CFAP299: variants seen among roughly 807,000 people sequenced by gnomAD.
CFAP299 encodes the protein cilia- and flagella-associated protein 299.
Under a neutral mutation model 27.0 loss-of-function variants are expected in CFAP299, and 21 were observed. The ratio of observed to expected loss-of-function variants is 0.78; its 90% CI spans 0.55 to 1.12. The LOEUF (loss-of-function observed/expected upper bound fraction) is 1.12. Among genes scored for constraint, CFAP299 ranks in the 50% most tolerant of loss-of-function variants. CFAP299 has a pLI of 0.00. For missense variants in CFAP299, 310 were observed against 276.6 expected (o/e 1.12, Z -0.86); for synonymous variants, 104 against 98.1 (o/e 1.06, Z -0.36).
chr4:80,551,244 G>T (rs1734498409), intron 2 of CFAP299, among the ~76,000 whole-genome samples: 1 of 152,082 alleles, frequency 6.6e-6, no homozygotes, highest in Middle Eastern at 3.2e-3. Flanking sequence ...CCATATTAGG[G>T]TTCTTACAAC....
intron 4 of CFAP299, among the ~76,000 whole-genome samples, chr4:80,900,770 T>A (rs1217914633): frequency 6.6e-6 from 1 of 151,802 alleles, no homozygotes; most frequent in Non-Finnish European, 1.5e-5. Context: ...ATAATAATAA[T>A]AAACAGGGCT....
intron 3 of CFAP299, among the ~76,000 whole-genome samples, chr4:80,660,605 A>G (rs757243858): frequency 1.7e-4 from 26 of 152,308 alleles, no homozygotes; most frequent in Middle Eastern, 3.4e-3. Context: ...ATAAATTATT[A>G]GTTATAAGGG....
At chr4:80,735,783 A>G (rs1177456254) in intron 3 of CFAP299, among the ~76,000 whole-genome samples, 2 of 152,154 alleles carry the variant, frequency 1.3e-5, no homozygotes, top group Non-Finnish European at 2.9e-5. Context: ...CCTGGGATAA[A>G]TCTCACTTGG....
chr4:80,848,417 C>T (rs1731302595), intron 3 of CFAP299, among the ~76,000 whole-genome samples: 1 of 152,142 alleles, frequency 6.6e-6, no homozygotes, highest in African/African-American at 2.4e-5. Context: ...TGCTTCTAGG[C>T]TACCAACCTG....
intron 3 of CFAP299, among the ~76,000 whole-genome samples, chr4:80,811,521 G>A (rs895973815): frequency 9.9e-5 from 15 of 152,134 alleles, no homozygotes; most frequent in African/African-American, 2.4e-4. Context: ...CCAAGGCCAC[G>A]GGTTTGATCT....
upstream of CFAP299, among the ~76,000 whole-genome samples, chr4:80,332,210 A>G (rs556484840): frequency 1.3e-5 from 2 of 152,320 alleles, no homozygotes; most frequent in Non-Finnish European, 2.9e-5. Flanking sequence ...GTAAAAACAG[A>G]CTGGAATATG....
intron 3 of CFAP299, among the ~76,000 whole-genome samples, chr4:80,585,662 C>A (rs958069468): frequency 6.6e-6 from 1 of 152,202 alleles, no homozygotes; most frequent in African/African-American, 2.4e-5. Flanking sequence ...ATAATGTATA[C>A]AAATGGTTAA....
intron 4 of CFAP299, among the ~76,000 whole-genome samples, chr4:80,901,616 T>C (rs982799590): frequency 2.6e-5 from 4 of 152,114 alleles, no homozygotes; most frequent in Non-Finnish European, 5.9e-5. Context: ...CAGCCACAAT[T>C]GGGTCTCCAT....
chr4:80,394,022 A>G (rs1431740895), intron 2 of CFAP299, among the ~76,000 whole-genome samples: 1 of 152,062 alleles, frequency 6.6e-6, no homozygotes, highest in Non-Finnish European at 1.5e-5. Context: ...TGATGGTTTC[A>G]TAAGTGTTTG....
chr4:80,896,643 A>G (rs1734623592), intron 4 of CFAP299, among the ~76,000 whole-genome samples: 1 of 152,156 alleles, frequency 6.6e-6, no homozygotes, highest in Non-Finnish European at 1.5e-5. Context: ...ATGAAATTGA[A>G]TGATAGTTTT....
At chr4:80,548,913 G>A (rs1231453658) in intron 2 of CFAP299, among the ~76,000 whole-genome samples, 2 of 152,060 alleles carry the variant, frequency 1.3e-5, no homozygotes, top group African/African-American at 4.8e-5. Context: ...AGAAATTACA[G>A]AAAAGCAGGA....
intron 2 of CFAP299, chr4:80,420,335 G>A (rs1727232870): frequency 2.4e-6 from 1 of 410,176 alleles, no homozygotes; most frequent in East Asian, 7.2e-5. Flanking sequence ...CAAGTTTGCA[G>A]GGATGCTTCT....
chr4:80,603,331 A>C (rs1159335406), intron 3 of CFAP299, among the ~76,000 whole-genome samples: 1 of 152,206 alleles, frequency 6.6e-6, no homozygotes, highest in Admixed American at 6.5e-5. Flanking sequence ...CATGGTGCAA[A>C]ATATCTAAAC....
intron 4 of CFAP299, among the ~76,000 whole-genome samples, chr4:80,883,483 A>G (rs1019137972): frequency 6.6e-6 from 1 of 152,150 alleles, no homozygotes; most frequent in Non-Finnish European, 1.5e-5. Context: ...CAATCAAAAA[A>G]GTGGATGAAA....
In CFAP299 at chr4:80,626,928, TA is replaced by T. The variant is rs1193907263; in HGVS notation, c.333+43750del. Among the ~76,000 whole-genome samples, 4 of 151,766 alleles carry T rather than the reference TA, an allele frequency of 2.6e-5. No individual in the cohort carries two copies. In the East Asian group the frequency reaches 7.7e-4, roughly 29 times the overall value. On this transcript the variant is annotated intron_variant, in intron 3 of 5. Transcript: ENST00000358105. ...TATCAAATATTTAAAGAAGAACTAA[TA>T]AAAATTTTGCTTAACTCTTCCAAAA...
chr4:80,564,206 A>G (rs1305594057), intron 2 of CFAP299, among the ~76,000 whole-genome samples: 5 of 152,134 alleles, frequency 3.3e-5, no homozygotes, highest in East Asian at 3.9e-4. Flanking sequence ...CCTGATACCA[A>G]AATGAGACAA....
intron 4 of CFAP299, among the ~76,000 whole-genome samples, chr4:80,898,770 T>C (rs1734737418): frequency 6.6e-6 from 1 of 152,128 alleles, no homozygotes; most frequent in Non-Finnish European, 1.5e-5. Flanking sequence ...AAACAATCCA[T>C]GGACTATGAT....
chr4:80,694,477 A>G lies in CFAP299; in HGVS notation c.333+111294A>G, dbSNP rs116517515. On this transcript the variant is annotated intron_variant, in intron 3 of 5. Coordinates refer to ENST00000358105, the MANE Select transcript of CFAP299 (RefSeq NM_152770.3). ...TGCTCTCAACTTTGATGACTAACAT[A>G]GTTTCAAAGAAGATGACTTAACAAA... 2.6e-5 allele frequency among the ~76,000 whole-genome samples: 4 copies of G among 152,354 alleles called. No homozygotes were observed. In the South Asian group the frequency reaches 8.3e-4, roughly 32 times the overall value.
At chr4:80,522,499 T>C (rs539276912) in intron 2 of CFAP299, among the ~76,000 whole-genome samples, 35 of 152,254 alleles carry the variant, frequency 2.3e-4, no homozygotes, top group African/African-American at 7.2e-4. Context: ...AGAAGTTTTT[T>C]AATTTGATGT....
Sources: allele counts gnomAD v4.1 joint callset (sites outside exome capture counted in the v4.1 genomes callset), GRCh38; gene constraint gnomAD v4.1.1; transcripts MANE v1.5; gene names NCBI Gene and HGNC (gene_info 2026-07-23, HGNC 2026-07-21).